The following PLPP3 variants were observed in gnomAD, a reference collection of about 807,000 sequenced individuals.
PLPP3 encodes the protein phospholipid phosphatase 3, also known as PAP2 beta.
PLPP3 carries 6 observed loss-of-function variants against 29.6 expected under a neutral mutation model. The ratio of observed to expected loss-of-function variants is 0.20; its 90% confidence interval spans 0.11 to 0.40. The LOEUF is 0.40. PLPP3 is among the 10% of genes least tolerant of loss of function. The probability of loss-of-function intolerance (pLI) is 1.00; values close to 1 mark genes in which losing one functional copy is unlikely to be tolerated. For missense variants in PLPP3, 308 were observed against 407.7 expected (o/e 0.76, Z 2.11); for synonymous variants, 152 against 159.7 (o/e 0.95, Z 0.36).
At chr1:56,567,450 T>G (rs940200166) in intron 1 of PLPP3, among the ~76,000 whole-genome samples, 2 of 137,046 alleles carry the variant, frequency 1.5e-5, no homozygotes, top group Non-Finnish European at 3.0e-5. Context: ...CAGGCTGGAG[T>G]GCAGTGGCGC....
intron 1 of PLPP3, among the ~76,000 whole-genome samples, chr1:56,561,873 A>G (rs1036240418): frequency 2.6e-5 from 4 of 151,894 alleles, no homozygotes; most frequent in Non-Finnish European, 5.9e-5. Flanking sequence ...TGCCCTTACT[A>G]AAAATAAAAA....
intron 1 of PLPP3, among the ~76,000 whole-genome samples, chr1:56,543,972 C>A (rs745632993): frequency 3.3e-5 from 5 of 152,172 alleles, no homozygotes; most frequent in African/African-American, 4.8e-5. Context: ...AAGTATGGCT[C>A]TTTCCTAAGT....
intron 1 of PLPP3, among the ~76,000 whole-genome samples, chr1:56,544,675 C>G (rs1040841650): frequency 2.0e-5 from 3 of 152,348 alleles, no homozygotes; most frequent in South Asian, 4.1e-4. Context: ...TGTAATAGAA[C>G]TGTCTGACTC....
chr1:56,524,133 C>T lies in PLPP3; in HGVS notation c.575+144G>A. 2 of 1,009,762 alleles carry T rather than the reference C, an allele frequency of 2.0e-6. No homozygotes were observed. Among genetic ancestry groups the T allele is most frequent in the South Asian group, 1.6e-5 (1 of 62,890 alleles). 62.6% of individuals were successfully genotyped at this position (1,009,762 alleles called of 1,614,324 possible). ...CGGAAGTATTGATTTACATATCTGT[C>T]TCAATCATCTGACTGTGAGTTCCTC... On this transcript the variant is annotated intron_variant, in intron 3 of 5. Coordinates refer to ENST00000371250, the MANE Select transcript of PLPP3 (RefSeq NM_003713.5). The surrounding 1 kb of genome is among the most constrained non-coding windows in gnomAD (Gnocchi z 4.3).
At chr1:56,519,031 C>T (rs1306158256) in intron 4 of PLPP3, among the ~76,000 whole-genome samples, 8 of 146,918 alleles carry the variant, frequency 5.4e-5, no homozygotes, top group Admixed American at 4.1e-4. Context: ...GTGCAGATTT[C>T]GGGGTGGGGT....
At chr1:56,516,383 C>T (rs1409656893) in intron 4 of PLPP3, among the ~76,000 whole-genome samples, 1 of 152,166 alleles carries the variant, frequency 6.6e-6, no homozygotes, top group African/African-American at 2.4e-5. Flanking sequence ...ACAACTTATT[C>T]AAGAAAGGAA....
chr1:56,540,593 C>T (rs12402226), intron 1 of PLPP3, among the ~76,000 whole-genome samples: 25,274 of 152,080 alleles, frequency 0.17, 2,414 homozygotes, highest in Admixed American at 0.25. Context: ...ATGAAGACCA[C>T]AAACAGACAA....
At chr1:56,540,920 CA>C (rs945568742) in intron 1 of PLPP3, among the ~76,000 whole-genome samples, 1 of 152,154 alleles carries the variant, frequency 6.6e-6, no homozygotes, top group African/African-American at 2.4e-5. Context: ...ATACCATCAC[CA>C]TCTTTATTAC....
At chr1:56,578,688 G>C (rs1178310995) in intron 1 of PLPP3, among the ~76,000 whole-genome samples, 190 bp downstream of exon 1, 1 of 152,132 alleles carries the variant, frequency 6.6e-6, no homozygotes, top group Non-Finnish European at 1.5e-5. Flanking sequence ...TACAGGCCAA[G>C]AAGTCGGTGG....
At chr1:56,543,819 G>A (rs1645985266) in intron 1 of PLPP3, among the ~76,000 whole-genome samples, 1 of 152,168 alleles carries the variant, frequency 6.6e-6, no homozygotes, top group African/African-American at 2.4e-5. Flanking sequence ...GTACTGGAAA[G>A]TTCAGGCCCT....
intron 5 of PLPP3, 93 bp downstream of exon 5, chr1:56,511,883 G>A (rs539944359): frequency 5.5e-5 from 83 of 1,496,436 alleles, no homozygotes; most frequent in Non-Finnish European, 7.0e-5. Flanking sequence ...GGACAGGAAC[G>A]AGGGCTCTCT....
At chr1:56,559,399 C>T (rs1646105963) in intron 1 of PLPP3, among the ~76,000 whole-genome samples, 1 of 139,382 alleles carries the variant, frequency 7.2e-6, no homozygotes, top group African/African-American at 2.6e-5. Context: ...GGGGCTATTC[C>T]TTTTAAACAT....
chr1:56,507,111 A>G (rs985790063), intron 5 of PLPP3, among the ~76,000 whole-genome samples: 3 of 152,208 alleles, frequency 2.0e-5, no homozygotes, highest in African/African-American at 7.2e-5. Context: ...ATTTTTGTCT[A>G]GACAAGTCTG....
intron 5 of PLPP3, among the ~76,000 whole-genome samples, chr1:56,501,111 G>A (rs1182352160): frequency 6.6e-6 from 1 of 151,928 alleles, no homozygotes; most frequent in Admixed American, 6.6e-5. Flanking sequence ...AGAGTCTAGG[G>A]GAGGATGAGT....
At chr1:56,534,674 T>C (rs564160142) in intron 2 of PLPP3, among the ~76,000 whole-genome samples, 1 of 152,256 alleles carries the variant, frequency 6.6e-6, no homozygotes, top group South Asian at 2.1e-4. Flanking sequence ...TTGTTGTTGT[T>C]GTTAAATTTA....
intron 1 of PLPP3, among the ~76,000 whole-genome samples, chr1:56,572,214 T>G (rs1450082307): frequency 6.6e-6 from 1 of 151,844 alleles, no homozygotes; most frequent in African/African-American, 2.4e-5. Flanking sequence ...GATGCCCGGC[T>G]AATTTTTGTA....
rs74679182 is a variant in PLPP3, at chr1:56,573,446, T to G, written c.139+5432A>C. Among the ~76,000 whole-genome samples the G allele has an allele frequency of 2.4e-4, 36 of 152,262 alleles. No homozygotes were observed. The East Asian group carries it at 6.9e-3, about 29-fold the overall frequency. On this transcript the variant is annotated intron_variant, in intron 1 of 5. Coordinates refer to ENST00000371250, the MANE Select transcript of PLPP3 (RefSeq NM_003713.5). ...ATGCAGAAAATGCCAGAACATTCAG[T>G]GCAGGGACAAAAAGCCCACTACATA...
intron 2 of PLPP3, among the ~76,000 whole-genome samples, chr1:56,527,151 C>T (rs1645857903): frequency 6.6e-6 from 1 of 152,138 alleles, no homozygotes; most frequent in African/African-American, 2.4e-5. Flanking sequence ...CTCTAATGTC[C>T]CATCTCTAAA....
chr1:56,511,347 A>G (rs180759523), intron 5 of PLPP3, among the ~76,000 whole-genome samples: 368 of 152,230 alleles, frequency 2.4e-3, no homozygotes, highest in African/African-American at 6.3e-3. Context: ...GTCCATCCCA[A>G]GTTATCCCTA....
Sources: allele counts gnomAD v4.1 joint callset (sites outside exome capture counted in the v4.1 genomes callset), GRCh38; gene constraint gnomAD v4.1.1; non-coding constraint Gnocchi (gnomAD v3.1); transcripts MANE v1.5; gene names NCBI Gene and HGNC (gene_info 2026-07-23, HGNC 2026-07-21).